ACTL8: variants seen among roughly 807,000 people sequenced by gnomAD.
The protein encoded by ACTL8 is actin-like protein 8.
A neutral mutation model predicts 9.3 loss-of-function variants in ACTL8; 3 were observed. That is an observed-to-expected ratio of 0.32 (90% CI 0.15 to 0.83). The LOEUF (loss-of-function observed/expected upper bound fraction) is 0.83, where lower values mean the gene tolerates loss of function less well. Among genes scored for constraint, ACTL8 ranks in the 40% least tolerant of loss-of-function variants. ACTL8 has a pLI of 0.57. For missense variants in ACTL8, 381 were observed against 492.2 expected (o/e 0.77, Z 2.14); for synonymous variants, 224 against 205.9 (o/e 1.09, Z -0.75).
intron 1 of ACTL8, among the ~76,000 whole-genome samples, chr1:17,776,893 GGGC>G (rs1320345482): frequency 1.3e-5 from 2 of 150,940 alleles, no homozygotes; most frequent in Non-Finnish European, 2.9e-5. Flanking sequence ...TCGACCTCCT[GGGC>G]TCAAGCAATC....
At chr1:17,792,254 C>T (rs530573164) in intron 1 of ACTL8, among the ~76,000 whole-genome samples, 1 of 152,220 alleles carries the variant, frequency 6.6e-6, no homozygotes, top group South Asian at 2.1e-4. Context: ...CGACTCTGAC[C>T]TTCCTAACGG....
intron 1 of ACTL8, among the ~76,000 whole-genome samples, chr1:17,759,632 T>C (rs942537265): frequency 6.6e-6 from 1 of 152,206 alleles, no homozygotes; most frequent in African/African-American, 2.4e-5. Context: ...GGGAGGATGC[T>C]TGTTTCTGGG....
chr1:17,816,964 CTGCAGGT>C (rs2066430354), intron 1 of ACTL8, among the ~76,000 whole-genome samples: 1 of 152,216 alleles, frequency 6.6e-6, no homozygotes, highest in Non-Finnish European at 1.5e-5. Flanking sequence ...ACCTCACCCT[CTGCAGGT>C]TGCTTCTCCA....
At chr1:17,806,280 C>T (rs1201555787) in intron 1 of ACTL8, among the ~76,000 whole-genome samples, 1 of 152,094 alleles carries the variant, frequency 6.6e-6, no homozygotes, top group Non-Finnish European at 1.5e-5. Flanking sequence ...GCCTTCCTGC[C>T]AGGGAGAGTA....
At chr1:17,821,046 A>G (rs1203176677) in intron 1 of ACTL8, among the ~76,000 whole-genome samples, 1 of 152,174 alleles carries the variant, frequency 6.6e-6, no homozygotes. Context: ...ATGAGTAATA[A>G]TGCTGAATAC....
intron 1 of ACTL8, among the ~76,000 whole-genome samples, chr1:17,816,499 C>T (rs1405031294): frequency 6.6e-6 from 1 of 152,210 alleles, no homozygotes; most frequent in Non-Finnish European, 1.5e-5. Flanking sequence ...CCTCTGTGCC[C>T]AGCCTAAAAT....
intron 2 of ACTL8, among the ~76,000 whole-genome samples, chr1:17,824,303 T>C (rs772807023): frequency 6.6e-6 from 1 of 152,218 alleles, no homozygotes; most frequent in Non-Finnish European, 1.5e-5. Flanking sequence ...CATTCATTTA[T>C]ATGTTATGTA....
intron 1 of ACTL8, among the ~76,000 whole-genome samples, chr1:17,821,752 C>A (rs1297469425): frequency 6.6e-6 from 1 of 152,116 alleles, no homozygotes; most frequent in Non-Finnish European, 1.5e-5. Flanking sequence ...TCTCAGCCTC[C>A]CAAGTAGCTG....
intron 1 of ACTL8, among the ~76,000 whole-genome samples, chr1:17,789,370 G>A (rs2066221142): frequency 6.6e-6 from 1 of 152,196 alleles, no homozygotes; most frequent in South Asian, 2.1e-4. Context: ...TCACCCCTTA[G>A]AGCAGTCCCT....
intron 1 of ACTL8, among the ~76,000 whole-genome samples, chr1:17,762,821 G>A (rs2066016432): frequency 1.3e-5 from 2 of 152,178 alleles, no homozygotes; most frequent in Non-Finnish European, 2.9e-5. Context: ...CCAGGTGGCA[G>A]TGGAGGGGCT....
At chr1:17,802,565 C>T (rs1051002437) in intron 1 of ACTL8, among the ~76,000 whole-genome samples, 1 of 152,054 alleles carries the variant, frequency 6.6e-6, no homozygotes, top group African/African-American at 2.4e-5. Context: ...TGGGGTGTGA[C>T]CTCAGGCTGC....
chr1:17,794,621 T>C (rs569071855), intron 1 of ACTL8, among the ~76,000 whole-genome samples: 1 of 140,954 alleles, frequency 7.1e-6, no homozygotes, highest in African/African-American at 3.2e-5. Flanking sequence ...TCTCATCTTA[T>C]TTTTTTACTA....
chr1:17,825,302 G>A (rs1036142303), intron 2 of ACTL8, among the ~76,000 whole-genome samples: 3 of 137,168 alleles, frequency 2.2e-5, no homozygotes, highest in African/African-American at 5.5e-5. Flanking sequence ...TTTTTCCTTC[G>A]TTCTGGCGTC....
At position 17,825,530 on chromosome 1, in the gene ACTL8, C is replaced by T. The variant is rs554393662; in HGVS notation, c.349-237C>T. 2.0e-5 allele frequency among the ~76,000 whole-genome samples: 3 copies of T among 152,316 alleles called. No homozygotes were observed. In the South Asian group the frequency reaches 6.2e-4, roughly 32 times the overall value. ...CCACAGAGCTCTTCTCACCTCTTCA[C>T]CGAAGTGGTCTTCTGAACAGCCACG... On this transcript the variant is annotated intron_variant, in intron 2 of 2. Coordinates refer to ENST00000375406, the MANE Select transcript of ACTL8 (RefSeq NM_030812.3).
chr1:17,785,324 A>G (rs1478003411), intron 1 of ACTL8, among the ~76,000 whole-genome samples: 1 of 152,218 alleles, frequency 6.6e-6, no homozygotes, highest in South Asian at 2.1e-4. Flanking sequence ...CATTTGCCCA[A>G]TCAGCAGCTG....
intron 1 of ACTL8, among the ~76,000 whole-genome samples, chr1:17,818,725 G>T (rs1029819296): frequency 6.6e-6 from 1 of 152,164 alleles, no homozygotes; most frequent in Non-Finnish European, 1.5e-5. Context: ...GCTTAAAATG[G>T]CATTGTGCCT....
At chr1:17,781,548 G>A (rs917565387) in intron 1 of ACTL8, among the ~76,000 whole-genome samples, 6 of 152,154 alleles carry the variant, frequency 3.9e-5, no homozygotes, top group African/African-American at 1.4e-4. Flanking sequence ...CAGGATACCA[G>A]GAACTTCTAA....
At chr1:17,824,598 T>C (rs1056075217) in intron 2 of ACTL8, among the ~76,000 whole-genome samples, 1 of 152,212 alleles carries the variant, frequency 6.6e-6, no homozygotes, top group African/African-American at 2.4e-5. Context: ...TCAGATAAAT[T>C]ACAAATAATG....
In ACTL8 at chr1:17,826,553, T is replaced by C; in HGVS notation, c.*34T>C. 1 of 1,514,360 alleles carries C rather than the reference T, an allele frequency of 6.6e-7. No homozygotes were observed. Among genetic ancestry groups the C allele is most frequent in the East Asian group, 2.3e-5 (1 of 43,760 alleles). The allele number at this position is 1,514,360 out of a possible 1,614,324, so 93.8% of individuals were successfully genotyped here. A position where few individuals can be genotyped will look rare whatever the true frequency, so the allele number is the denominator to read the frequency against. ...GCTCACTCCTGAGAATGGGCTCCTGTTAGATGGGCACGGGCGGATTAATTT... is the reference window on the plus strand; with the variant it reads ...GCTCACTCCTGAGAATGGGCTCCTGCTAGATGGGCACGGGCGGATTAATTT... On this transcript the variant is annotated 3_prime_UTR_variant, in exon 3 of 3. Coordinates refer to ENST00000375406, the MANE Select transcript of ACTL8 (RefSeq NM_030812.3). The surrounding 1 kb of genome is among the most constrained non-coding windows in gnomAD (Gnocchi z 4.5).
Sources: gnomAD v4.1 joint callset for allele counts (sites outside exome capture counted in the v4.1 genomes callset) on GRCh38, gnomAD v4.1.1 for gene constraint, Gnocchi (gnomAD v3.1) non-coding constraint, MANE v1.5 for transcripts, NCBI Gene and HGNC (gene_info 2026-07-23, HGNC 2026-07-21) for gene names.